The following PRH1 variants were observed in gnomAD, a reference collection of about 807,000 sequenced individuals.
PRH1 encodes the protein salivary acidic proline-rich phosphoprotein 1/2.
A neutral mutation model predicts 7.9 loss-of-function variants in PRH1; 7 were observed. The ratio of observed to expected loss-of-function variants is 0.89; its 90% confidence interval spans 0.50 to 1.67. PRH1 has a LOEUF of 1.67. Among genes scored for constraint, PRH1 ranks in the 40% most tolerant of loss-of-function variants. PRH1 has a pLI of 0.00. For missense variants in PRH1, 109 were observed against 223.6 expected (o/e 0.49, Z 3.27); for synonymous variants, 45 against 80.8 (o/e 0.56, Z 2.38).
intron 1 of PRH1, among the ~76,000 whole-genome samples, chr12:11,145,677 A>T (rs1946840342): frequency 6.6e-6 from 1 of 152,228 alleles, no homozygotes; most frequent in Admixed American, 6.5e-5. Context: ...CTAACAGAGT[A>T]TACAGAAAGC....
At chr12:10,939,453 A>G (rs1565485937) in intron 2 of PRH1, among the ~76,000 whole-genome samples, 1 of 152,134 alleles carries the variant, frequency 6.6e-6, no homozygotes, top group Non-Finnish European at 1.5e-5. Flanking sequence ...CCTTATACAC[A>G]GTAGGCTGAA....
chr12:11,147,645 A>T (rs1026759674), intron 1 of PRH1, among the ~76,000 whole-genome samples: 3 of 152,198 alleles, frequency 2.0e-5, no homozygotes, highest in African/African-American at 7.2e-5. Context: ...TGACATCATC[A>T]CATCATTATA....
At chr12:10,923,538 C>G (rs1446463812) in intron 2 of PRH1, among the ~76,000 whole-genome samples, 1 of 152,130 alleles carries the variant, frequency 6.6e-6, no homozygotes, top group Non-Finnish European at 1.5e-5. Flanking sequence ...TTAAATATGA[C>G]AAATATAAAC....
intron 1 of PRH1, among the ~76,000 whole-genome samples, chr12:11,018,081 G>T (rs1002467934): frequency 6.6e-6 from 1 of 152,054 alleles, no homozygotes; most frequent in African/African-American, 2.4e-5. Context: ...AACCTGCTCG[G>T]CCCATTGTGC....
downstream of PRH1, among the ~76,000 whole-genome samples, chr12:11,118,231 TAACA>T (rs1314581143): frequency 6.6e-6 from 1 of 152,116 alleles, no homozygotes; most frequent in African/African-American, 2.4e-5. Context: ...AAAAAAAATC[TAACA>T]ATCTGATCAA....
chr12:11,037,874 T>TAAA (rs142916449), intron 1 of PRH1, among the ~76,000 whole-genome samples: 2 of 151,050 alleles, frequency 1.3e-5, no homozygotes, highest in Admixed American at 6.6e-5. Flanking sequence ...ACCTTGCCTC[T>TAAA]AAAAAAAAAT....
intron 1 of PRH1, among the ~76,000 whole-genome samples, chr12:11,012,058 T>C (rs1941092106): frequency 6.6e-6 from 1 of 152,182 alleles, no homozygotes; most frequent in Non-Finnish European, 1.5e-5. Context: ...AAATATGAAT[T>C]GTTTAATTAA....
At chr12:11,118,821 C>G (rs1324585352), downstream of PRH1, among the ~76,000 whole-genome samples, 4 of 151,962 alleles carry the variant, frequency 2.6e-5, no homozygotes, top group Admixed American at 2.6e-4. Context: ...GGTGAAACCC[C>G]ATCGCTACTA....
chr12:10,940,702 G>A (rs1306175122), intron 2 of PRH1, among the ~76,000 whole-genome samples: 1 of 152,194 alleles, frequency 6.6e-6, no homozygotes, highest in East Asian at 1.9e-4. Context: ...TCAGCAGCAT[G>A]ATACAGTCAT....
Position 11,125,255 on chromosome 12 carries a change from C to A in PRH1, n.40-4075G>T, listed in dbSNP as rs192079436. Among the ~76,000 whole-genome samples the A allele has an allele frequency of 2.6e-5, 4 of 152,384 alleles. No homozygotes were observed. The East Asian group carries it at 7.7e-4, about 29-fold the overall frequency. On this transcript the variant is annotated intron_variant and non_coding_transcript_variant, in intron 1 of 1. Coordinates refer to the PRH1 transcript ENST00000541175. ...CAATGATTTACTTGCTATTTTTTTTCTTTTACCACATTCTAAAAATTACAG... is the reference window on the plus strand; with the variant it reads ...CAATGATTTACTTGCTATTTTTTTTATTTTACCACATTCTAAAAATTACAG...
chr12:11,098,400 A>T (rs1323922463), intron 1 of PRH1, among the ~76,000 whole-genome samples: 2 of 152,096 alleles, frequency 1.3e-5, no homozygotes, highest in Non-Finnish European at 2.9e-5. Flanking sequence ...AAATTAACTC[A>T]TTCATTCACT....
At chr12:11,105,804 T>C (rs1386017140) in intron 1 of PRH1, among the ~76,000 whole-genome samples, 1 of 152,156 alleles carries the variant, frequency 6.6e-6, no homozygotes, top group Non-Finnish European at 1.5e-5. Context: ...AAATTTAATT[T>C]TTCAACGTGA....
intron 1 of PRH1, chr12:11,030,464 A>G: frequency 1.2e-6 from 2 of 1,614,286 alleles, no homozygotes; most frequent in Non-Finnish European, 1.7e-6. Context: ...CAAAACTGAA[A>G]GAAAAGTCTG....
intron 2 of PRH1, among the ~76,000 whole-genome samples, chr12:10,945,176 G>GCA (rs1410810518): frequency 6.6e-6 from 1 of 152,122 alleles, no homozygotes; most frequent in African/African-American, 2.4e-5. Flanking sequence ...TGTGAATCCA[G>GCA]CAGGTCTTGG....
chr12:10,959,741 T>C (rs1272573940), intron 2 of PRH1, among the ~76,000 whole-genome samples: 1 of 152,158 alleles, frequency 6.6e-6, no homozygotes, highest in African/African-American at 2.4e-5. Context: ...ATGATATATA[T>C]GAATATATAG....
At chr12:10,958,502 G>C (rs781000048) in intron 2 of PRH1, among the ~76,000 whole-genome samples, 30 of 151,860 alleles carry the variant, frequency 2.0e-4, no homozygotes, top group African/African-American at 2.7e-4. Context: ...AAGTGCCTGA[G>C]ACATGCAATT....
At chr12:10,900,977 A>G (rs1218859719) in intron 2 of PRH1, among the ~76,000 whole-genome samples, 2 of 151,914 alleles carry the variant, frequency 1.3e-5, no homozygotes, top group African/African-American at 4.8e-5. Flanking sequence ...TAGATATCTG[A>G]AGCACCCATT....
chr12:10,972,986 A>G (rs1258413799), intron 2 of PRH1, among the ~76,000 whole-genome samples: 2 of 120,468 alleles, frequency 1.7e-5, no homozygotes, highest in East Asian at 2.7e-4. Context: ...TTATTGTCCT[A>G]TAATTTTCAA....
At chr12:11,038,217 A>G (rs1591863035) in intron 1 of PRH1, among the ~76,000 whole-genome samples, 1 of 152,302 alleles carries the variant, frequency 6.6e-6, no homozygotes, top group East Asian at 1.9e-4. Context: ...AACATTTTTT[A>G]TTGTGGAGCA....
Sources: gnomAD v4.1 joint callset for allele counts (sites outside exome capture counted in the v4.1 genomes callset) on GRCh38, gnomAD v4.1.1 for gene constraint, MANE v1.5 for transcripts, NCBI Gene and HGNC (gene_info 2026-07-23, HGNC 2026-07-21) for gene names.